The following IGSF11 variants were observed in gnomAD, a reference collection of about 807,000 sequenced individuals.
IGSF11 encodes immunoglobulin superfamily member 11.
IGSF11 carries 22 observed loss-of-function variants against 41.0 expected under a neutral mutation model. The ratio of observed to expected loss-of-function variants is 0.54; its 90% CI spans 0.38 to 0.77. The LOEUF (loss-of-function observed/expected upper bound fraction) is 0.77. Ranked by LOEUF, IGSF11 falls within the 30% of genes least tolerant of loss-of-function variation. The pLI is 0.00. For synonymous variants in IGSF11, 219 were observed against 201.3 expected (o/e 1.09, Z -0.74); for missense variants, 444 against 530.8 (o/e 0.84, Z 1.61).
At chr3:119,002,469 T>G (rs1205364307) in intron 1 of IGSF11, among the ~76,000 whole-genome samples, 33 of 139,032 alleles carry the variant, frequency 2.4e-4, no homozygotes, top group Admixed American at 1.4e-3. Flanking sequence ...AGAAGCTCTT[T>G]AGTTTAATTA....
At position 118,930,124 on chromosome 3, in the gene IGSF11, G is replaced by C. The variant is rs757613553; in HGVS notation, c.204C>G (p.Asn68Lys). Residue 68 changes from asparagine to lysine, a missense_variant, in exon 2 of 7, where the codon AAC becomes AAG. This residue lies in a region of IGSF11 where 193 missense variants were observed against 283.5 expected (regional missense o/e 0.68). Coordinates refer to ENST00000393775, the MANE Select transcript of IGSF11 (RefSeq NM_001015887.3). ...GCAACAGAAATACCTGTTCAGGTTGGTTGGCATTGGAGAGAGGAGTGACCA... is the reference window on the plus strand; with the variant it reads ...GCAACAGAAATACCTGTTCAGGTTGCTTGGCATTGGAGAGAGGAGTGACCA... Reference protein sequence around the residue: ...IWMVTPLSNANQPEQVILYQG... With the variant: ...IWMVTPLSNAKQPEQVILYQG... 6 of 1,612,952 alleles carry C rather than the reference G, an allele frequency of 3.7e-6. No individual in the cohort carries two copies. In the African/African-American group the frequency reaches 6.7e-5, roughly 18 times the overall value.
At chr3:119,037,244 G>T (rs1400837265), upstream of IGSF11, among the ~76,000 whole-genome samples, 1 of 152,116 alleles carries the variant, frequency 6.6e-6, no homozygotes, top group East Asian at 1.9e-4. Context: ...GAGACAATAT[G>T]TTATATTTGT....
upstream of IGSF11, among the ~76,000 whole-genome samples, chr3:119,107,272 T>A (rs1486914145): frequency 6.6e-6 from 1 of 152,262 alleles, no homozygotes; most frequent in Non-Finnish European, 1.5e-5. Flanking sequence ...TCTTCAATGA[T>A]CACCATTCTA....
chr3:118,904,008 G>A (rs1043122951), intron 6 of IGSF11, among the ~76,000 whole-genome samples: 1 of 152,192 alleles, frequency 6.6e-6, no homozygotes. Flanking sequence ...AGTGATGAGA[G>A]AGAAGATACG....
At chr3:118,938,901 G>C (rs1213532517) in intron 1 of IGSF11, among the ~76,000 whole-genome samples, 1 of 152,136 alleles carries the variant, frequency 6.6e-6, no homozygotes, top group Non-Finnish European at 1.5e-5. Flanking sequence ...ACAGTCCTGT[G>C]TATGCACCTC....
chr3:118,922,108 C>T (rs1158495843), intron 4 of IGSF11, among the ~76,000 whole-genome samples: 1 of 151,526 alleles, frequency 6.6e-6, no homozygotes, highest in Non-Finnish European at 1.5e-5. Flanking sequence ...CCCAATGGAA[C>T]AATTTATTTT....
At chr3:119,046,994 A>C (rs1473273332) in intron 1 of IGSF11, among the ~76,000 whole-genome samples, 2 of 144,148 alleles carry the variant, frequency 1.4e-5, no homozygotes, top group Non-Finnish European at 3.1e-5. Context: ...CTCCCGAAGG[A>C]AGCGCTAAAC....
At chr3:119,129,335 CT>C (rs1482711090) in intron 1 of IGSF11, among the ~76,000 whole-genome samples, 1 of 152,062 alleles carries the variant, frequency 6.6e-6, no homozygotes, top group Non-Finnish European at 1.5e-5. Context: ...ATAAAATTCA[CT>C]GGTGATAGTA....
chr3:119,128,185 T>C (rs1403905512), intron 1 of IGSF11, among the ~76,000 whole-genome samples: 1 of 151,468 alleles, frequency 6.6e-6, no homozygotes, highest in Non-Finnish European at 1.5e-5. Context: ...ATGGTGAAAA[T>C]CTATATCTAT....
chr3:119,092,483 C>A (rs926286592), intron 1 of IGSF11, among the ~76,000 whole-genome samples: 5 of 152,074 alleles, frequency 3.3e-5, no homozygotes, highest in African/African-American at 1.2e-4. Flanking sequence ...GCATGTGGCA[C>A]CATGCCTGGC....
At chr3:119,084,600 T>TTTC (rs2076640142) in intron 1 of IGSF11, among the ~76,000 whole-genome samples, 1 of 152,144 alleles carries the variant, frequency 6.6e-6, no homozygotes, top group African/African-American at 2.4e-5. Flanking sequence ...AAAGCAAGGC[T>TTTC]TTCTTCTACA....
chr3:119,037,912 A>T (rs968732271), upstream of IGSF11, among the ~76,000 whole-genome samples: 15 of 152,296 alleles, frequency 9.8e-5, 1 homozygote, highest in South Asian at 3.1e-3. Flanking sequence ...TATAAATTAA[A>T]GGTTAATTGC....
intron 1 of IGSF11, among the ~76,000 whole-genome samples, chr3:119,017,633 G>A (rs2107706571): frequency 6.6e-6 from 1 of 152,204 alleles, no homozygotes. Context: ...TTTATAAAAT[G>A]AAAACAATGC....
intron 1 of IGSF11, among the ~76,000 whole-genome samples, chr3:119,066,935 T>C (rs1942250710): frequency 6.6e-6 from 1 of 152,234 alleles, no homozygotes; most frequent in Non-Finnish European, 1.5e-5. Flanking sequence ...TCCACCATTT[T>C]ATCTATGAGT....
chr3:118,966,965 C>G (rs1303486895), intron 1 of IGSF11, among the ~76,000 whole-genome samples: 1 of 151,974 alleles, frequency 6.6e-6, no homozygotes, highest in Non-Finnish European at 1.5e-5. Flanking sequence ...CTACCACTTT[C>G]TGTAATTCTA....
At chr3:119,094,675 T>A (rs567335049) in intron 1 of IGSF11, among the ~76,000 whole-genome samples, 4 of 150,948 alleles carry the variant, frequency 2.6e-5, no homozygotes, top group African/African-American at 9.7e-5. Context: ...AACTCTATTT[T>A]TTTTTTTTTT....
chr3:119,137,253 C>T (rs891193581), intron 1 of IGSF11, among the ~76,000 whole-genome samples: 3 of 151,708 alleles, frequency 2.0e-5, no homozygotes, highest in African/African-American at 7.3e-5. Context: ...ACAAAAGATC[C>T]AGAATAGCCA....
intron 4 of IGSF11, among the ~76,000 whole-genome samples, chr3:118,908,775 A>C (rs1939913515): frequency 6.6e-6 from 1 of 152,226 alleles, no homozygotes; most frequent in East Asian, 1.9e-4. Context: ...GTACATTTCC[A>C]GTTCCATCCT....
At chr3:119,064,745 A>G (rs1942169697) in intron 1 of IGSF11, among the ~76,000 whole-genome samples, 1 of 152,012 alleles carries the variant, frequency 6.6e-6, no homozygotes, top group Admixed American at 6.6e-5. Context: ...CTTTTTAATT[A>G]AATTTATTGC....
Sources: allele counts gnomAD v4.1 joint callset (sites outside exome capture counted in the v4.1 genomes callset), GRCh38; gene constraint gnomAD v4.1.1; regional missense constraint gnomAD v4.1.1; transcripts MANE v1.5; gene names NCBI Gene and HGNC (gene_info 2026-07-23, HGNC 2026-07-21).